NQO2: variants seen among roughly 807,000 people sequenced by gnomAD.
The protein encoded by NQO2 is N-ribosyldihydronicotinamide:quinone dehydrogenase 2.
Under a neutral mutation model 22.0 loss-of-function variants are expected in NQO2, and 18 were observed. The ratio of observed to expected loss-of-function variants is 0.82; its 90% CI spans 0.56 to 1.21. The LOEUF (loss-of-function observed/expected upper bound fraction) is 1.21, where lower values mean the gene tolerates loss of function less well. NQO2 is among the 50% of genes most tolerant of loss of function. The pLI is 0.00. For synonymous variants in NQO2, 106 were observed against 110.8 expected, an observed-to-expected ratio of 0.96 and a Z score of 0.28; for missense variants, 267 against 286.9, an observed-to-expected ratio of 0.93 and a Z score of 0.50.
intron 6 of NQO2, among the ~76,000 whole-genome samples, chr6:3,019,161 GT>G (rs1757445399): frequency 6.6e-6 from 1 of 152,118 alleles, no homozygotes; most frequent in South Asian, 2.1e-4. Flanking sequence ...AATCTATAGT[GT>G]GAATGTACCA....
At chr6:3,002,390 C>A (rs1756765065) in intron 1 of NQO2, 1 of 223,634 alleles carries the variant, frequency 4.5e-6, no homozygotes, top group African/African-American at 2.3e-5. Flanking sequence ...CTCACTGCAA[C>A]CTCCACCTCC....
intron 4 of NQO2, among the ~76,000 whole-genome samples, chr6:3,013,177 G>A (rs28383632): frequency 0.028 from 4,234 of 151,578 alleles, 82 homozygotes; most frequent in South Asian, 0.069. Flanking sequence ...GGATGGTCTC[G>A]ATCTCCTGAC....
chr6:3,009,657 C>T (rs1757077001), intron 2 of NQO2, among the ~76,000 whole-genome samples: 1 of 152,118 alleles, frequency 6.6e-6, no homozygotes, highest in Admixed American at 6.5e-5. Context: ...AATAAATGTC[C>T]ACGAAATCTT....
intron 6 of NQO2, among the ~76,000 whole-genome samples, chr6:3,019,072 TTTG>T (rs1297812005): frequency 6.6e-6 from 1 of 152,174 alleles, no homozygotes; most frequent in East Asian, 1.9e-4. Context: ...TTAAAATTTG[TTTG>T]TTATTTTCAT....
At position 3,006,493 on chromosome 6, in the gene NQO2, T is replaced by G; in HGVS notation, c.-60T>G. On this transcript the variant is annotated 5_prime_UTR_variant, in exon 2 of 7. Coordinates refer to ENST00000380455, the MANE Select transcript of NQO2 (RefSeq NM_000904.6). The surrounding 1 kb of genome is among the most constrained non-coding windows in gnomAD (Gnocchi z 4.0). ...ATTGCTGGACTCGCTGAAGAGAGACTACGCAGGAAAGCCCCAGCCACCCAT... is the reference window on the plus strand; with the variant it reads ...ATTGCTGGACTCGCTGAAGAGAGACGACGCAGGAAAGCCCCAGCCACCCAT... 6.2e-7 allele frequency: 1 copy of G among 1,612,328 alleles called. No homozygotes were observed. Among genetic ancestry groups the G allele is most frequent in the Non-Finnish European group, 8.5e-7 (1 of 1,179,188 alleles).
Position 3,016,958 on chromosome 6 carries a change from T to G in NQO2, c.492T>G (p.Asp164Glu). ...ACACGAAGACAGGAGTCAATGGAGA[T>G]TCTCGATACTTCCTGTGGCCACTCC... ...EMYTKTGVNG[D>E]SRYFLWPLQH... is the part of the protein sequence containing the mutation. The change falls in exon 6 of 7, where the codon GAT becomes GAG. Residue 164 changes from aspartate (D) to glutamate (E), a missense_variant. Asp to Glu is a conservative substitution (Grantham distance 45). Transcript: ENST00000380455. The G allele has an allele frequency of 6.2e-7, 1 of 1,613,956 alleles. No individual in the cohort carries two copies. The highest frequency in any genetic ancestry group is 8.5e-7 in the Non-Finnish European group (1 of 1,179,994).
chr6:3,001,553 G>A (rs1290202370), intron 1 of NQO2, among the ~76,000 whole-genome samples: 3 of 152,058 alleles, frequency 2.0e-5, no homozygotes, highest in Admixed American at 6.6e-5. Flanking sequence ...ATAACCTAAG[G>A]TCCCAGAAAT....
chr6:3,015,894 G>A (rs1035064071), intron 5 of NQO2, among the ~76,000 whole-genome samples: 4 of 152,128 alleles, frequency 2.6e-5, no homozygotes, highest in African/African-American at 9.7e-5. Flanking sequence ...CAAGGGAGTG[G>A]GTCAGGTGTC....
At chr6:3,018,801 C>T (rs1310010147) in intron 6 of NQO2, among the ~76,000 whole-genome samples, 2 of 150,406 alleles carry the variant, frequency 1.3e-5, no homozygotes, top group African/African-American at 4.9e-5. Flanking sequence ...TGTCATTAGC[C>T]AAGTTCAAAT....
intron 2 of NQO2, among the ~76,000 whole-genome samples, chr6:3,007,971 A>G (rs189408552): frequency 6.6e-6 from 1 of 152,368 alleles, no homozygotes; most frequent in Admixed American, 6.5e-5. Context: ...ACCTTCTTAC[A>G]GAGGATAACC....
Position 3,006,793 on chromosome 6 carries a change from T to C in NQO2, c.7+234T>C, listed in dbSNP as rs900827262. On this transcript the variant is annotated intron_variant, in intron 2 of 6. Transcript: ENST00000380455. This position sits in a 1 kb window ranked among gnomAD's most constrained non-coding sequence, Gnocchi z 4.0. ...GTTTTCTATGTTCTCACTTGTTTCATTGTTCCTTTCGACTCCCTCCAGAAT... is the reference window on the plus strand; with the variant it reads ...GTTTTCTATGTTCTCACTTGTTTCACTGTTCCTTTCGACTCCCTCCAGAAT... 2.1e-6 allele frequency: 1 copy of C among 477,372 alleles called. No individual in the cohort carries two copies. Among genetic ancestry groups the C allele is most frequent in the African/African-American group, 2.0e-5 (1 of 49,678 alleles). 29.6% of individuals were successfully genotyped at this position (477,372 alleles called of 1,614,324 possible).
rs911100411 is a variant in NQO2 at position 3,018,149 on chromosome 6, C to T, written c.519+1164C>T. ...ATTGCTGAATATTGGTTTTTGACCC[C>T]GACCATTTGCTGTTTTCTCCTCCTA... On this transcript the variant is annotated intron_variant, in intron 6 of 6. Transcript: ENST00000380455. Among the ~76,000 whole-genome samples the T allele has an allele frequency of 3.9e-5, 6 of 152,236 alleles. No homozygotes were observed. In the East Asian group the frequency reaches 1.2e-3, roughly 29 times the overall value.
intron 6 of NQO2, 35 bp downstream of exon 6, chr6:3,017,020 G>A (rs1420469972): frequency 1.2e-6 from 2 of 1,605,200 alleles, no homozygotes; most frequent in Admixed American, 3.4e-5. Flanking sequence ...TTGCTTGTTG[G>A]CACACGCACA....
chr6:3,006,585 G>A lies in NQO2; in HGVS notation c.7+26G>A, dbSNP rs1046439411. ...GTAATGATTCACTATTGTGGAGTAA[G>A]ACTTTTTTTTTTTTGAGATGGGATT... On this transcript the variant is annotated intron_variant, in intron 2 of 6. Coordinates refer to ENST00000380455, the MANE Select transcript of NQO2 (RefSeq NM_000904.6). This position sits in a 1 kb window ranked among gnomAD's most constrained non-coding sequence, Gnocchi z 4.0. 4 of 1,570,982 alleles carry A rather than the reference G, an allele frequency of 2.5e-6. No individual in the cohort carries two copies. Among genetic ancestry groups the A allele is most frequent in the African/African-American group, 1.4e-5 (1 of 72,834 alleles).
At chr6:3,018,348 C>T (rs1324449862) in intron 6 of NQO2, among the ~76,000 whole-genome samples, 1 of 152,108 alleles carries the variant, frequency 6.6e-6, no homozygotes, top group Non-Finnish European at 1.5e-5. Context: ...TCTACTAAAA[C>T]ACAAAAATTA....
intron 6 of NQO2, among the ~76,000 whole-genome samples, chr6:3,018,172 C>T (rs1757403150): frequency 6.6e-6 from 1 of 152,172 alleles, no homozygotes; most frequent in Non-Finnish European, 1.5e-5. Context: ...TTTTCTCCTC[C>T]TAATCATAAT....
At chr6:3,017,286 C>T (rs1757365995) in intron 6 of NQO2, among the ~76,000 whole-genome samples, 1 of 152,232 alleles carries the variant, frequency 6.6e-6, no homozygotes, top group African/African-American at 2.4e-5. Context: ...TAAGCCAAAC[C>T]TGCTTAGCTT....
chr6:3,010,337 C>T (rs1757101652), intron 3 of NQO2, 148 bp downstream of exon 3: 1 of 637,836 alleles, frequency 1.6e-6, no homozygotes, highest in Non-Finnish European at 2.6e-6. Flanking sequence ...GGATTATCAC[C>T]AGCAGTATCC....
At chr6:3,009,921 A>C in intron 2 of NQO2, 104 bp from the exon 3 acceptor site, 1 of 1,472,398 alleles carries the variant, frequency 6.8e-7, no homozygotes, top group East Asian at 2.3e-5. Flanking sequence ...TCTTAGCTTC[A>C]ATTACTATGA....
Sources: allele counts gnomAD v4.1 joint callset (sites outside exome capture counted in the v4.1 genomes callset), GRCh38; gene constraint gnomAD v4.1.1; non-coding constraint Gnocchi (gnomAD v3.1); transcripts MANE v1.5; gene names NCBI Gene and HGNC (gene_info 2026-07-23, HGNC 2026-07-21).